Variants in MAPKAPK5 observed in about 807,000 individuals in gnomAD.
The protein encoded by MAPKAPK5 is MAPK activated protein kinase 5.
In MAPKAPK5, 30 loss-of-function variants were observed where a neutral mutation model predicts 65.1. The observed-to-expected ratio is 0.46, with a 90% CI of 0.34 to 0.63. The LOEUF (loss-of-function observed/expected upper bound fraction) is 0.63. Ranked by LOEUF, MAPKAPK5 falls within the 20% of genes least tolerant of loss-of-function variation. The pLI, the probability that MAPKAPK5 is intolerant of heterozygous loss-of-function variation, is 0.01. For missense variants in MAPKAPK5, 433 were observed against 581.4 expected (o/e 0.74, Z 2.63); for synonymous variants, 179 against 204.6 (o/e 0.87, Z 1.07).
rs1441722108 is a variant in MAPKAPK5, at chr12:111,901,405, CAGG to C, written c.*8347_*8349del. The C allele has an allele frequency of 4.4e-6, 2 of 455,846 alleles. No homozygotes were observed. Among genetic ancestry groups the C allele is most frequent in the Admixed American group, 4.7e-5 (2 of 42,538 alleles). 28.2% of individuals were successfully genotyped at this position (455,846 alleles called of 1,614,324 possible). A position where few individuals can be genotyped will look rare whatever the true frequency, so the allele number is the denominator to read the frequency against. ...CCTGGTAAGCTAGGTGGGACACCTTCAGGAGAAGGTGAAAATCACAATATGACT... is the reference window on the plus strand; with the variant it reads ...CCTGGTAAGCTAGGTGGGACACCTTCAGAAGGTGAAAATCACAATATGACT... On this transcript the variant is annotated 3_prime_UTR_variant, in exon 14 of 14. Transcript: ENST00000550735.
chr12:111,872,994 T>C (rs575195439), intron 7 of MAPKAPK5, among the ~76,000 whole-genome samples: 17 of 152,334 alleles, frequency 1.1e-4, no homozygotes, highest in Admixed American at 7.8e-4. Flanking sequence ...AGTCTGTGAC[T>C]TGCCTTTTAA....
chr12:111,866,397 T>C (rs2069613998), intron 3 of MAPKAPK5, among the ~76,000 whole-genome samples, 166 bp downstream of exon 3: 1 of 152,230 alleles, frequency 6.6e-6, no homozygotes, highest in Non-Finnish European at 1.5e-5. Flanking sequence ...TAGTCCTAGA[T>C]CTGTCAATAT....
chr12:111,846,500 CTTT>C (rs200305971), intron 1 of MAPKAPK5, among the ~76,000 whole-genome samples: 2 of 107,086 alleles, frequency 1.9e-5, no homozygotes, highest in Non-Finnish European at 2.0e-5. Flanking sequence ...GTTTCTTTTT[CTTT>C]TTTTTTTTTT....
At chr12:111,873,431 C>T (rs2069851062) in intron 7 of MAPKAPK5, among the ~76,000 whole-genome samples, 1 of 152,152 alleles carries the variant, frequency 6.6e-6, no homozygotes, top group Admixed American at 6.6e-5. Flanking sequence ...GCAACCTCTG[C>T]CTCCCGGGTT....
intron 1 of MAPKAPK5, among the ~76,000 whole-genome samples, chr12:111,846,140 A>G (rs2068901238): frequency 6.6e-6 from 1 of 152,212 alleles, no homozygotes. Context: ...TGGACTTGAA[A>G]ATCAGTACTG....
intron 5 of MAPKAPK5, among the ~76,000 whole-genome samples, chr12:111,869,390 A>G (rs2069709378): frequency 6.6e-6 from 1 of 152,192 alleles, no homozygotes; most frequent in East Asian, 1.9e-4. Flanking sequence ...TGCTGTAGAA[A>G]TGATTTATGT....
intron 12 of MAPKAPK5, 90 bp downstream of exon 12, chr12:111,889,090 G>A (rs2070514573): frequency 7.2e-6 from 10 of 1,392,818 alleles, no homozygotes; most frequent in African/African-American, 1.4e-5. Context: ...ATGGCAAAAG[G>A]AATGGTTTAA....
intron 8 of MAPKAPK5, chr12:111,882,923 T>G (rs1479615149): frequency 1.1e-6 from 1 of 880,498 alleles, no homozygotes; most frequent in East Asian, 1.2e-4. Context: ...TTTATATTTA[T>G]TTCTTTTCTG....
intron 5 of MAPKAPK5, 42 bp from the exon 6 acceptor site, chr12:111,870,229 G>A (rs771133049): frequency 1.4e-6 from 2 of 1,455,564 alleles, no homozygotes; most frequent in East Asian, 2.3e-5. Context: ...TTAAAGAGTG[G>A]TCTTTTCTAA....
chr12:111,871,066 C>CTTTTTTTT lies in MAPKAPK5; in HGVS notation c.484-16_484-9dup. On this transcript the variant is annotated intron_variant, in intron 6 of 13. Coordinates refer to ENST00000550735, the MANE Select transcript of MAPKAPK5 (RefSeq NM_003668.4). ...ACTGAGCACTCTGGAGCAGTGACTC[C>CTTTTTTTT]TTTTTTTTTTAATTTCAGGATGCCC... is the stretch of plus-strand genomic sequence containing the variant. 1.5e-6 allele frequency: 2 copies of CTTTTTTTT among 1,311,288 alleles called. No individual in the cohort carries two copies. The highest frequency in any genetic ancestry group is 2.1e-6 in the Non-Finnish European group (2 of 951,628). The allele number at this position is 1,311,288 out of a possible 1,614,324, so 81.2% of individuals were successfully genotyped here.
At chr12:111,891,677 T>G (rs978400226) in intron 13 of MAPKAPK5, among the ~76,000 whole-genome samples, 28 of 148,464 alleles carry the variant, frequency 1.9e-4, no homozygotes, top group Middle Eastern at 3.6e-3. Flanking sequence ...CATGGTGGCA[T>G]GCGCCTGTAG....
chr12:111,895,405 T>C lies in MAPKAPK5; in HGVS notation c.*2344T>C, dbSNP rs2070769740. The C allele has an allele frequency of 6.6e-6, 1 of 151,766 alleles. No individual in the cohort carries two copies. Among genetic ancestry groups the C allele is most frequent in the African/African-American group, 2.4e-5 (1 of 41,302 alleles). 9.4% of individuals were successfully genotyped at this position (151,766 alleles called of 1,614,324 possible). The stretch of plus-strand genomic sequence containing the variant: ...TGTGAGCCACTGCACCCAGCCTACA[T>C]TGGTTCCTTTTTATCTTGGAGAATT... On this transcript the variant is annotated 3_prime_UTR_variant, in exon 14 of 14. Coordinates refer to ENST00000550735, the MANE Select transcript of MAPKAPK5 (RefSeq NM_003668.4).
At position 111,890,069 on chromosome 12, in the gene MAPKAPK5, G is replaced by C; in HGVS notation, c.1246G>C (p.Val416Leu). The change falls in exon 13 of 14, where the codon GTA becomes CTA. Residue 416 changes from valine (V) to leucine (L), a missense_variant. Val to Leu is a conservative substitution (Grantham distance 32). Around this residue, in one of 3 missense-constraint regions of MAPKAPK5, gnomAD observed 169 missense variants for 215.6 expected, o/e 0.78. Transcript: ENST00000550735. Reference protein sequence around the residue: ...GENEDEKLNEVMQEAWKYNRE... With the variant: ...GENEDEKLNELMQEAWKYNRE... ...GAATGAAGATGAGAAACTGAATGAAGTAATGCAGGAGGCTTGGAAGTATAA... is the reference window on the plus strand; with the variant it reads ...GAATGAAGATGAGAAACTGAATGAACTAATGCAGGAGGCTTGGAAGTATAA... The C allele has an allele frequency of 2.5e-6, 4 of 1,597,388 alleles. No individual in the cohort carries two copies. The highest frequency in any genetic ancestry group is 3.4e-6 in the Non-Finnish European group (4 of 1,172,024).
chr12:111,901,377 C>T lies in MAPKAPK5; in HGVS notation c.*8316C>T, dbSNP rs1037538178. 4.4e-6 allele frequency: 2 copies of T among 455,922 alleles called. No homozygotes were observed. The highest frequency in any genetic ancestry group is 4.4e-6 in the Non-Finnish European group (1 of 226,768). 28.2% of individuals were successfully genotyped at this position (455,922 alleles called of 1,614,324 possible). A position where few individuals can be genotyped will look rare whatever the true frequency, so the allele number is the denominator to read the frequency against. On this transcript the variant is annotated 3_prime_UTR_variant, in exon 14 of 14. Transcript: ENST00000550735. ...AAGTGGAGGTAGTGTGGACAGTGGC[C>T]CTCCTGGTAAGCTAGGTGGGACACC... is the stretch of plus-strand genomic sequence containing the variant.
chr12:111,874,552 A>C (rs1461570200), intron 7 of MAPKAPK5, among the ~76,000 whole-genome samples: 1 of 148,012 alleles, frequency 6.8e-6, no homozygotes, highest in African/African-American at 2.5e-5. Context: ...GCTCACTGCA[A>C]CCTCTGCCTC....
At chr12:111,847,938 A>T (rs1007035357) in intron 1 of MAPKAPK5, among the ~76,000 whole-genome samples, 4 of 152,214 alleles carry the variant, frequency 2.6e-5, no homozygotes, top group Non-Finnish European at 5.9e-5. Context: ...TGCATGCTTT[A>T]GCAGTTCATT....
chr12:111,880,136 G>A (rs202182695), intron 7 of MAPKAPK5: 13 of 368,398 alleles, frequency 3.5e-5, no homozygotes, highest in East Asian at 1.2e-4. Context: ...ATCTGCTTTC[G>A]CATAGGCATA....
At chr12:111,855,566 C>T (rs771505697) in intron 1 of MAPKAPK5, among the ~76,000 whole-genome samples, 6 of 152,128 alleles carry the variant, frequency 3.9e-5, no homozygotes, top group South Asian at 2.1e-4. Flanking sequence ...CAGTGGCTCA[C>T]GCCTGTAATC....
At chr12:111,873,413 G>A (rs1347894639) in intron 7 of MAPKAPK5, among the ~76,000 whole-genome samples, 2 of 152,036 alleles carry the variant, frequency 1.3e-5, no homozygotes, top group Non-Finnish European at 2.9e-5. Context: ...GCGCGATCTC[G>A]ACTCACTGCA....
Sources: allele counts gnomAD v4.1 joint callset (sites outside exome capture counted in the v4.1 genomes callset), GRCh38; gene constraint gnomAD v4.1.1; regional missense constraint gnomAD v4.1.1; transcripts MANE v1.5; gene names NCBI Gene and HGNC (gene_info 2026-07-23, HGNC 2026-07-21).